The following POU2AF3 variants were observed in gnomAD, a reference collection of about 807,000 sequenced individuals.
The protein encoded by POU2AF3 is POU class 2 homeobox associating factor 3.
chr11:111,308,702 C>T, the POU2AF3 span: 5 of 286,282 alleles, frequency 1.7e-5, no homozygotes, highest in South Asian at 2.8e-4. Context: ...AATGCTGTCT[C>T]CTTTTTTACT....
chr11:111,300,491 T>C, the POU2AF3 span: 5 of 1,121,732 alleles, frequency 4.5e-6, no homozygotes, highest in Non-Finnish European at 5.6e-6. Context: ...CACCCAGACC[T>C]TGGACTCGAC....
the POU2AF3 span, chr11:111,299,262 G>C: frequency 1.0e-6 from 1 of 986,594 alleles, no homozygotes; most frequent in South Asian, 4.7e-5. Flanking sequence ...CTATCTCCAG[G>C]CGTCCAGGCT....
chr11:111,306,649 C>T, the POU2AF3 span: 3 of 1,494,538 alleles, frequency 2.0e-6, no homozygotes, highest in Non-Finnish European at 2.7e-6. Context: ...TCTTTATATA[C>T]CTGATTGTGT....
chr11:111,308,315 G>T, the POU2AF3 span: 1 of 1,551,726 alleles, frequency 6.4e-7, no homozygotes, highest in Non-Finnish European at 8.7e-7. Context: ...AGAGGACTTG[G>T]ATGCTCTCCA....
the POU2AF3 span, chr11:111,299,358 C>T: frequency 7.1e-5 from 70 of 991,796 alleles, no homozygotes; most frequent in Non-Finnish European, 7.8e-5. Flanking sequence ...TGGTCAGGGC[C>T]GGAGCCGCCC....
the POU2AF3 span, chr11:111,298,826 G>GCGGGGCCCC: frequency 1.3e-6 from 1 of 790,960 alleles, no homozygotes; most frequent in Non-Finnish European, 1.7e-6. Flanking sequence ...CGTACCCCAG[G>GCGGGGCCCC]CCCCCGCCCG....
the POU2AF3 span, chr11:111,298,826 G>GCGGGGGGGGCCCCC: frequency 8.8e-6 from 7 of 790,962 alleles, no homozygotes; most frequent in Non-Finnish European, 1.2e-5. Context: ...CGTACCCCAG[G>GCGGGGGGGGCCCCC]CCCCCGCCCG....
At chr11:111,304,384 A>G in the POU2AF3 span, among the ~76,000 whole-genome samples, 182 of 152,304 alleles carry the variant, frequency 1.2e-3, 1 homozygote, top group African/African-American at 4.2e-3. Context: ...GCATTTTCTC[A>G]AACTGTTACA....
At chr11:111,298,560 G>A in the POU2AF3 span, 2 of 1,246,330 alleles carry the variant, frequency 1.6e-6, no homozygotes, top group Non-Finnish European at 1.0e-6. Flanking sequence ...TCCAGCCACC[G>A]ACCCAGCTCC....
the POU2AF3 span, among the ~76,000 whole-genome samples, chr11:111,300,967 A>T: frequency 6.6e-6 from 1 of 152,232 alleles, no homozygotes; most frequent in Non-Finnish European, 1.5e-5. Flanking sequence ...CAGCCCTTGC[A>T]GACCCATAGA....
At chr11:111,298,826 G>GGGGGGGGGGGGGGGCC in the POU2AF3 span, 4 of 790,958 alleles carry the variant, frequency 5.1e-6, no homozygotes, top group Non-Finnish European at 6.8e-6. Flanking sequence ...CGTACCCCAG[G>GGGGGGGGGGGGGGGCC]CCCCCGCCCG....
chr11:111,301,873 A>G, the POU2AF3 span, among the ~76,000 whole-genome samples: 1 of 152,232 alleles, frequency 6.6e-6, no homozygotes, highest in Non-Finnish European at 1.5e-5. Context: ...ATTGAAAGCC[A>G]GCTATTTGGT....
chr11:111,299,725 G>A, the POU2AF3 span: 1 of 1,231,944 alleles, frequency 8.1e-7, no homozygotes, highest in South Asian at 4.1e-5. Flanking sequence ...AAGGGAGGGG[G>A]TAGGGAGAGA....
the POU2AF3 span, among the ~76,000 whole-genome samples, chr11:111,303,376 A>G: frequency 6.6e-6 from 1 of 152,230 alleles, no homozygotes; most frequent in Non-Finnish European, 1.5e-5. Flanking sequence ...ATGTGTTTTT[A>G]TAAATTGTAG....
At chr11:111,300,222 C>T in the POU2AF3 span, 1 of 320,538 alleles carries the variant, frequency 3.1e-6, no homozygotes, top group Non-Finnish European at 5.6e-6. Context: ...CTGCACTGGT[C>T]TCCATATTCC....
At chr11:111,298,787 G>A in the POU2AF3 span, 1 of 1,185,636 alleles carries the variant, frequency 8.4e-7, no homozygotes, top group Middle Eastern at 3.2e-4. Context: ...CAGAGGCCCA[G>A]AGGCCGAGTT....
At chr11:111,303,492 A>G in the POU2AF3 span, among the ~76,000 whole-genome samples, 2 of 152,222 alleles carry the variant, frequency 1.3e-5, no homozygotes, top group African/African-American at 4.8e-5. Flanking sequence ...AATATCAAGT[A>G]GGATATTGTA....
At chr11:111,302,292 A>G in the POU2AF3 span, among the ~76,000 whole-genome samples, 1 of 152,236 alleles carries the variant, frequency 6.6e-6, no homozygotes, top group South Asian at 2.1e-4. Flanking sequence ...CAGGAGTCTG[A>G]TAGCCTCAAC....
At chr11:111,307,983 C>G in the POU2AF3 span, 1 of 1,296,346 alleles carries the variant, frequency 7.7e-7, no homozygotes, top group African/African-American at 1.5e-5. Context: ...CATTTTCTCA[C>G]TCTGCATTGG....
Sources: gnomAD v4.1 joint callset for allele counts (sites outside exome capture counted in the v4.1 genomes callset) on GRCh38, gnomAD v4.1.1 for gene constraint, MANE v1.5 for transcripts, NCBI Gene and HGNC (gene_info 2026-07-23, HGNC 2026-07-21) for gene names.